Variants in ZNF333 observed in about 807,000 individuals in gnomAD.
The protein encoded by ZNF333 is zinc finger protein 333.
In ZNF333, 61 loss-of-function variants were observed where a neutral mutation model predicts 76.1. The observed-to-expected ratio is 0.80, with a 90% CI of 0.65 to 0.99. The LOEUF (loss-of-function observed/expected upper bound fraction) is 0.99, where lower values mean the gene tolerates loss of function less well. ZNF333 is among the 50% of genes least tolerant of loss of function. The pLI is 0.00. For synonymous variants in ZNF333, 284 were observed against 305.0 expected, an observed-to-expected ratio of 0.93 and a Z score of 0.72; for missense variants, 717 against 822.4, an observed-to-expected ratio of 0.87 and a Z score of 1.57.
chr19:14,694,738 TAAAAG>T (rs75337291), intron 2 of ZNF333, among the ~76,000 whole-genome samples: 52,374 of 151,884 alleles, frequency 0.34, 9,452 homozygotes, highest in East Asian at 0.6. Flanking sequence ...ATCCAAATGT[TAAAAG>T]AAAGTAAACA....
chr19:14,702,392 G>C (rs1449481600), intron 5 of ZNF333, among the ~76,000 whole-genome samples: 1 of 152,212 alleles, frequency 6.6e-6, no homozygotes, highest in African/African-American at 2.4e-5. Flanking sequence ...GTGGTGGTGT[G>C]CACCTGTAGT....
At chr19:14,695,196 C>A in intron 3 of ZNF333, 63 bp downstream of exon 3, 2 of 1,579,118 alleles carry the variant, frequency 1.3e-6, no homozygotes. Flanking sequence ...TAAGCGCCTG[C>A]CATGTGAAGA....
In ZNF333 at chr19:14,719,054, C is replaced by T; in HGVS notation, c.1727C>T (p.Ser576Phe). The change falls in exon 12 of 12, where the codon TCC becomes TTC. Residue 576 changes from serine to phenylalanine, a missense_variant. By Grantham distance (155) the Ser-to-Phe change is radical. Coordinates refer to ENST00000292530, the MANE Select transcript of ZNF333 (RefSeq NM_032433.4). ...ECGRAFSEPSSLRKHARTHSG... is the reference protein window; with the variant it reads ...ECGRAFSEPSFLRKHARTHSG... ...GGGCGAGCCTTCAGTGAGCCCTCAT[C>T]CCTCAGGAAACATGCAAGGACTCAC... 1 of 1,614,136 alleles carries T rather than the reference C, an allele frequency of 6.2e-7. No homozygotes were observed. Among genetic ancestry groups the T allele is most frequent in the Non-Finnish European group, 8.5e-7 (1 of 1,180,034 alleles).
chr19:14,727,308 G>T (rs2957327), intron 11 of ZNF333, among the ~76,000 whole-genome samples: 12 of 152,114 alleles, frequency 7.9e-5, no homozygotes, highest in Admixed American at 1.3e-4. Context: ...GATTACAGGT[G>T]TGAGCCACCA....
At chr19:14,702,074 C>A (rs1309226087) in intron 5 of ZNF333, among the ~76,000 whole-genome samples, 1 of 152,140 alleles carries the variant, frequency 6.6e-6, no homozygotes, top group African/African-American at 2.4e-5. Flanking sequence ...TCATTGAGAC[C>A]CTGTATGGTG....
intron 5 of ZNF333, among the ~76,000 whole-genome samples, chr19:14,704,770 C>G (rs933149711): frequency 2.6e-4 from 40 of 152,246 alleles, no homozygotes; most frequent in African/African-American, 8.7e-4. Context: ...CACTGGGTCC[C>G]TCCCACAACA....
chr19:14,692,468 G>A (rs1041844502), intron 1 of ZNF333, among the ~76,000 whole-genome samples: 3 of 152,126 alleles, frequency 2.0e-5, no homozygotes, highest in African/African-American at 7.2e-5. Context: ...AGGTGAGAGA[G>A]GGAGGCAGGT....
rs766176678 is a variant in ZNF333 at position 14,699,255 on chromosome 19, G to T, written c.280G>T (p.Glu94Ter). Reference protein sequence around the residue: ...ELPSMQDLLEEASSRDMQMGP... With the variant: ...ELPSMQDLLE ...GCCTTCTATGCAGGATCTTTTGGAA[G>T]AAGCATCCTCCAGGGACATGCAAAT... The change falls in exon 5 of 12, where the codon GAA becomes TAA. Residue 94 changes from glutamate (E) to a stop codon, truncating the protein, a stop_gained. Transcript: ENST00000292530. LOFTEE classifies it high-confidence loss of function. 1 of 1,613,892 alleles carries T rather than the reference G, an allele frequency of 6.2e-7. No individual in the cohort carries two copies. Among genetic ancestry groups the T allele is most frequent in the African/African-American group, 1.3e-5 (1 of 75,004 alleles).
At chr19:14,729,354 G>A (rs571141713) in intron 11 of ZNF333, among the ~76,000 whole-genome samples, 42 of 151,220 alleles carry the variant, frequency 2.8e-4, no homozygotes, top group East Asian at 1.5e-3. Context: ...TTGGTCAAAC[G>A]ATACACTTTT....
chr19:14,706,025 C>A, intron 6 of ZNF333: 1 of 446,308 alleles, frequency 2.2e-6, no homozygotes, highest in Non-Finnish European at 4.5e-6. Flanking sequence ...GCTGCATGTA[C>A]CCCCCAACCT....
chr19:14,719,349 C>A lies in ZNF333; in HGVS notation c.*24C>A. 6.4e-7 allele frequency: 1 copy of A among 1,574,008 alleles called. No homozygotes were observed. The highest frequency in any genetic ancestry group is 8.6e-7 in the Non-Finnish European group (1 of 1,161,612). ...AACTTCCATTTTGTAAAAATATAAA[C>A]ACATGGGGCTATGACTTTCCCTCGT... On this transcript the variant is annotated 3_prime_UTR_variant, in exon 12 of 12. Coordinates refer to ENST00000292530, the MANE Select transcript of ZNF333 (RefSeq NM_032433.4).
chr19:14,694,142 G>A (rs1972984842), intron 2 of ZNF333, among the ~76,000 whole-genome samples: 1 of 152,134 alleles, frequency 6.6e-6, no homozygotes, highest in Non-Finnish European at 1.5e-5. Context: ...GATGTCTGTT[G>A]GACAGCACTG....
At chr19:14,696,898 C>T (rs1343625218) in intron 4 of ZNF333, among the ~76,000 whole-genome samples, 2 of 151,964 alleles carry the variant, frequency 1.3e-5, no homozygotes, top group East Asian at 1.9e-4. Context: ...ACCACCACAC[C>T]CGGCTAATTT....
In ZNF333 at chr19:14,716,274, T is replaced by C. The variant is rs147908534; in HGVS notation, c.727+36T>C. 11,801 of 1,596,616 alleles carry C rather than the reference T, an allele frequency of 7.4e-3. 56 individuals are homozygous for C. Among genetic ancestry groups the C allele is most frequent in the Non-Finnish European group, 9.1e-3 (10,743 of 1,174,230 alleles). On this transcript the variant is annotated intron_variant, in intron 9 of 11. Transcript: ENST00000292530. ...TTCATCTTTTCTTTCCTTTTTTTTT[T>C]TTGAGACAGAGTCTTGCTCTGTTGC...
Position 14,719,329 on chromosome 19 carries a change from C to T in ZNF333, c.*4C>T. ...CTGTGGGCCCCTTGCTAATTAACTT[C>T]CATTTTGTAAAAATATAAACACATG... On this transcript the variant is annotated 3_prime_UTR_variant, in exon 12 of 12. Transcript: ENST00000292530. 1 of 1,590,640 alleles carries T rather than the reference C, an allele frequency of 6.3e-7. No homozygotes were observed. The highest frequency in any genetic ancestry group is 2.2e-5 in the East Asian group (1 of 44,670).
chr19:14,717,168 C>A, intron 10 of ZNF333, 79 bp downstream of exon 10: 2 of 1,187,588 alleles, frequency 1.7e-6, no homozygotes, highest in Non-Finnish European at 2.4e-6. Context: ...CTTATCAGGG[C>A]AACCTATTCA....
rs1325279770 is a variant in ZNF333 at position 14,690,101 on chromosome 19, G to A, written c.-91G>A. 1 of 151,384 alleles carries A rather than the reference G, an allele frequency of 6.6e-6. No homozygotes were observed. Among genetic ancestry groups the A allele is most frequent in the African/African-American group, 2.4e-5 (1 of 41,058 alleles). The allele number at this position is 151,384 out of a possible 1,614,324, so 9.4% of individuals were successfully genotyped here. On this transcript the variant is annotated 5_prime_UTR_variant, in exon 1 of 12. Coordinates refer to ENST00000292530, the MANE Select transcript of ZNF333 (RefSeq NM_032433.4). Reference sequence around the variant, plus strand: ...CGGCGGCTGAGCTGTGCTGCGCGGCGCGGCGCGGTGCGGCACGGCACGGTG... The same window carrying A: ...CGGCGGCTGAGCTGTGCTGCGCGGCACGGCGCGGTGCGGCACGGCACGGTG...
At chr19:14,699,440 G>C (rs1423371469) in intron 5 of ZNF333, 159 bp downstream of exon 5, 1 of 627,628 alleles carries the variant, frequency 1.6e-6, no homozygotes, top group African/African-American at 1.9e-5. Context: ...TCTGAATTTG[G>C]GCAAACCCAG....
chr19:14,701,515 A>C, intron 5 of ZNF333: 5 of 926,248 alleles, frequency 5.4e-6, no homozygotes, highest in Non-Finnish European at 6.4e-6. Flanking sequence ...GAAGGAAGGA[A>C]TGGATAAGGT....
Sources: gnomAD v4.1 joint callset for allele counts (sites outside exome capture counted in the v4.1 genomes callset) on GRCh38, gnomAD v4.1.1 for gene constraint, MANE v1.5 for transcripts, NCBI Gene and HGNC (gene_info 2026-07-23, HGNC 2026-07-21) for gene names.